NLGN4X: variants seen among roughly 807,000 people sequenced by gnomAD.
The protein encoded by NLGN4X is neuroligin 4 X-linked, also known as neuroligin-4, X-linked.
NLGN4X carries 3 observed loss-of-function variants against 40.3 expected under a neutral mutation model. The observed-to-expected ratio is 0.07, with a 90% confidence interval of 0.03 to 0.19. The LOEUF (loss-of-function observed/expected upper bound fraction) is 0.19. Ranked by LOEUF, NLGN4X falls within the 10% of genes least tolerant of loss-of-function variation. The pLI, the probability that NLGN4X is intolerant of heterozygous loss-of-function variation, is 1.00. For missense variants in NLGN4X, 382 were observed against 708.3 expected (o/e 0.54, Z 5.23); for synonymous variants, 270 against 306.8 (o/e 0.88, Z 1.25).
chrX:5,959,587 A>G (rs958856080), intron 3 of NLGN4X, among the ~76,000 whole-genome samples: 2 of 111,398 alleles, frequency 1.8e-5, no homozygotes, highest in African/African-American at 6.5e-5. Context: ...ATGTGGACAT[A>G]AGGTTAAAAC....
chrX:6,198,649 C>T (rs1395051909), intron 1 of NLGN4X, among the ~76,000 whole-genome samples: 2 of 111,405 alleles, frequency 1.8e-5, no homozygotes, highest in Non-Finnish European at 3.8e-5. Context: ...GTGTCGTGCT[C>T]AGAAGAGGCA....
chrX:5,973,545 T>A lies in NLGN4X; in HGVS notation c.625+55735A>T, dbSNP rs181111435. Reference sequence around the variant, plus strand: ...ATGGAATCCTACCCCCACTCAAAGGTGTGTGAAGGGCTCATGCCTGTAATC... The same window carrying A: ...ATGGAATCCTACCCCCACTCAAAGGAGTGTGAAGGGCTCATGCCTGTAATC... On this transcript the variant is annotated intron_variant, in intron 3 of 5. Transcript: ENST00000381095. Among the ~76,000 whole-genome samples, 13 of 112,076 alleles carry A rather than the reference T, an allele frequency of 1.2e-4. 1 individual carries two copies. In the East Asian group the frequency reaches 3.7e-3, roughly 32 times the overall value.
intron 2 of NLGN4X, among the ~76,000 whole-genome samples, chrX:6,147,460 C>T (rs185021067): frequency 3.6e-5 from 4 of 112,479 alleles, no homozygotes; most frequent in Admixed American, 1.9e-4. Flanking sequence ...ACTCATCTTT[C>T]TGTGTTCAGT....
intron 1 of NLGN4X, among the ~76,000 whole-genome samples, chrX:6,168,911 A>G (rs1298071473): frequency 8.9e-6 from 1 of 112,186 alleles, no homozygotes; most frequent in Non-Finnish European, 1.9e-5. Context: ...AAGAGCTTTT[A>G]GTAATACACT....
At chrX:6,194,610 A>T (rs755501462) in intron 1 of NLGN4X, among the ~76,000 whole-genome samples, 2 of 112,239 alleles carry the variant, frequency 1.8e-5, no homozygotes, top group African/African-American at 3.2e-5. Flanking sequence ...GAGCCAGCAC[A>T]TTATTAAATT....
intron 3 of NLGN4X, among the ~76,000 whole-genome samples, chrX:5,955,450 G>A (rs765022858): frequency 2.7e-5 from 3 of 110,941 alleles, no homozygotes; most frequent in Non-Finnish European, 5.7e-5. Context: ...TCCTGAACCA[G>A]TAGAAAAGAA....
At chrX:6,003,687 TTTTA>T (rs2036029664) in intron 3 of NLGN4X, among the ~76,000 whole-genome samples, 1 of 111,732 alleles carries the variant, frequency 8.9e-6, no homozygotes, top group African/African-American at 3.3e-5. Context: ...TTCTTTTTGA[TTTTA>T]TTTTTCTTTA....
chrX:6,101,305 A>G (rs750633449), intron 2 of NLGN4X, among the ~76,000 whole-genome samples: 1 of 111,787 alleles, frequency 8.9e-6, no homozygotes, highest in African/African-American at 3.2e-5. Flanking sequence ...CTCAAAATTC[A>G]TATGTTTATA....
At chrX:6,154,797 G>A (rs1030633672) in intron 1 of NLGN4X, among the ~76,000 whole-genome samples, 5 of 111,573 alleles carry the variant, frequency 4.5e-5, no homozygotes, top group African/African-American at 1.6e-4. Flanking sequence ...TCTCAGAATG[G>A]CATTTTGACT....
chrX:5,953,973 G>T (rs1440571369), intron 3 of NLGN4X, among the ~76,000 whole-genome samples: 1 of 111,207 alleles, frequency 9.0e-6, no homozygotes, highest in Admixed American at 9.6e-5. Context: ...CCCATGGAGG[G>T]TCTCCTGGGG....
At chrX:6,181,459 G>A (rs1162657637) in intron 1 of NLGN4X, among the ~76,000 whole-genome samples, 3 of 111,531 alleles carry the variant, frequency 2.7e-5, no homozygotes, top group African/African-American at 9.8e-5. Context: ...CTGCTTATAA[G>A]AGAACATCTG....
intron 3 of NLGN4X, among the ~76,000 whole-genome samples, chrX:5,921,811 C>T (rs925003441): frequency 9.0e-6 from 1 of 111,654 alleles, no homozygotes; most frequent in African/African-American, 3.3e-5. Context: ...GGTAGCTACA[C>T]GGTGTTAGGC....
At chrX:6,218,474 CCA>C (rs371223344) in intron 1 of NLGN4X, among the ~76,000 whole-genome samples, 42 of 46,863 alleles carry the variant, frequency 9.0e-4, no homozygotes, top group East Asian at 3.4e-3. Flanking sequence ...GAGATTAAAC[CCA>C]CACACACACA....
intron 1 of NLGN4X, among the ~76,000 whole-genome samples, chrX:6,158,877 A>G (rs2040327496): frequency 8.9e-6 from 1 of 112,147 alleles, no homozygotes; most frequent in Non-Finnish European, 1.9e-5. Context: ...GCTCCCACTT[A>G]TGAGTGAGAA....
intron 3 of NLGN4X, among the ~76,000 whole-genome samples, chrX:5,956,129 G>A (rs902580734): frequency 9.3e-6 from 1 of 107,582 alleles, no homozygotes; most frequent in African/African-American, 3.4e-5. Flanking sequence ...ATTAAATATA[G>A]ATAATATATA....
In NLGN4X at chrX:6,029,380, T is replaced by C. The variant is rs757482935; in HGVS notation, c.525A>G (p.Gly175=). ...TGTTGCCGGTGCCCTCCATGTAAGA[T>C]CCCCCATGGATATAGACCATGACGG... ...KKPVMVYIHG[G]SYMEGTGNMI... is the part of the protein sequence containing the mutation. The change falls in exon 3 of 6, where the codon GGA becomes GGG. Residue 175 remains glycine (G), a synonymous_variant. Coordinates refer to ENST00000381095, the MANE Select transcript of NLGN4X (RefSeq NM_181332.3). 7 of 1,209,949 alleles carry C rather than the reference T, an allele frequency of 5.8e-6. No individual in the cohort carries two copies. Among genetic ancestry groups the C allele is most frequent in the Non-Finnish European group, 7.8e-6 (7 of 894,683 alleles).
chrX:6,032,518 G>C (rs1018655155), intron 2 of NLGN4X, among the ~76,000 whole-genome samples: 1 of 108,003 alleles, frequency 9.3e-6, no homozygotes, highest in Non-Finnish European at 1.9e-5. Context: ...TGGTAACTGG[G>C]ATTAAAAAAT....
intron 2 of NLGN4X, among the ~76,000 whole-genome samples, chrX:6,097,113 T>A (rs901885072): frequency 2.7e-5 from 3 of 111,338 alleles, no homozygotes; most frequent in Admixed American, 9.6e-5. Context: ...ATTAACATTA[T>A]TAGTTCTCTT....
intron 3 of NLGN4X, among the ~76,000 whole-genome samples, chrX:5,943,609 C>T (rs185255263): frequency 5.4e-5 from 6 of 112,149 alleles, no homozygotes; most frequent in Admixed American, 3.8e-4. Context: ...AGAAAATGCT[C>T]AAAAATATGC....
Sources: gnomAD v4.1 joint callset for allele counts (sites outside exome capture counted in the v4.1 genomes callset) on GRCh38, gnomAD v4.1.1 for gene constraint, MANE v1.5 for transcripts, NCBI Gene and HGNC (gene_info 2026-07-23, HGNC 2026-07-21) for gene names.